ZNF385B: variants seen among roughly 807,000 people sequenced by gnomAD.
ZNF385B encodes the protein zinc finger protein 533.
Under a neutral mutation model 39.2 loss-of-function variants are expected in ZNF385B, and 23 were observed. The observed-to-expected ratio is 0.59, with a 90% confidence interval of 0.42 to 0.83. The LOEUF is 0.83. Among genes scored for constraint, ZNF385B ranks in the 40% least tolerant of loss-of-function variants. ZNF385B has a pLI of 0.00. For synonymous variants in ZNF385B, 205 were observed against 222.6 expected (o/e 0.92, Z 0.70); for missense variants, 552 against 598.9 (o/e 0.92, Z 0.82).
chr2:179,705,779 G>A lies in ZNF385B; in HGVS notation c.298+63724C>T, dbSNP rs575820165. Among the ~76,000 whole-genome samples the A allele has an allele frequency of 3.3e-5, 5 of 152,292 alleles. No individual in the cohort carries two copies. The South Asian group carries it at 1.0e-3, about 32-fold the overall frequency. On this transcript the variant is annotated intron_variant, in intron 3 of 9. Transcript: ENST00000410066. ...CCTATTGTTGCAACTACTCAATTCT[G>A]CCATTCTAGTGCAAAAGCAGCCACA...
At chr2:179,786,033 C>T (rs990077423) in intron 1 of ZNF385B, among the ~76,000 whole-genome samples, 1 of 152,138 alleles carries the variant, frequency 6.6e-6, no homozygotes, top group Non-Finnish European at 1.5e-5. Flanking sequence ...CAACCTTCAG[C>T]AAGCACCACC....
chr2:179,556,176 G>A (rs1421541220), intron 3 of ZNF385B, among the ~76,000 whole-genome samples: 2 of 147,906 alleles, frequency 1.4e-5, no homozygotes, highest in Non-Finnish European at 3.0e-5. Context: ...TTGCCCACTT[G>A]GATTTCTTAC....
chr2:179,746,707 T>C (rs1469327635), intron 3 of ZNF385B, among the ~76,000 whole-genome samples: 2 of 152,172 alleles, frequency 1.3e-5, no homozygotes, highest in Admixed American at 1.3e-4. Context: ...CCCAAATTTA[T>C]ACTTTTGCTT....
intron 5 of ZNF385B, among the ~76,000 whole-genome samples, chr2:179,495,336 A>G (rs369802155): frequency 1.3e-5 from 2 of 152,226 alleles, no homozygotes; most frequent in South Asian, 4.1e-4. Context: ...CTCAGCCTCA[A>G]TACAATAGAA....
intron 6 of ZNF385B, among the ~76,000 whole-genome samples, chr2:179,475,251 A>ATT (rs767500606): frequency 0.26 from 35,470 of 136,752 alleles, 4,896 homozygotes; most frequent in East Asian, 0.42. Context: ...TTATCGCACA[A>ATT]TTTTTTTTTT....
intron 3 of ZNF385B, among the ~76,000 whole-genome samples, chr2:179,618,655 T>C (rs1689955923): frequency 6.6e-6 from 1 of 152,182 alleles, no homozygotes; most frequent in Non-Finnish European, 1.5e-5. Flanking sequence ...TAGCATCTCC[T>C]GTCACTGCCT....
chr2:179,647,380 G>A (rs1402343686), intron 3 of ZNF385B, among the ~76,000 whole-genome samples: 1 of 151,970 alleles, frequency 6.6e-6, no homozygotes, highest in Non-Finnish European at 1.5e-5. Flanking sequence ...GAAGTGTCCA[G>A]CCCATTGCTA....
intron 3 of ZNF385B, among the ~76,000 whole-genome samples, chr2:179,603,347 A>T (rs2106109486): frequency 6.6e-6 from 1 of 152,310 alleles, no homozygotes; most frequent in Admixed American, 6.5e-5. Context: ...CACACTCAAT[A>T]TATGTTAGCG....
intron 3 of ZNF385B, among the ~76,000 whole-genome samples, chr2:179,630,011 A>G (rs959643616): frequency 2.0e-5 from 3 of 152,268 alleles, no homozygotes; most frequent in Non-Finnish European, 4.4e-5. Flanking sequence ...AAAGTGGCCA[A>G]GAAGCTCAAA....
At chr2:179,541,288 C>T (rs2059904705) in intron 4 of ZNF385B, among the ~76,000 whole-genome samples, 2 of 152,166 alleles carry the variant, frequency 1.3e-5, no homozygotes, top group African/African-American at 4.8e-5. Flanking sequence ...ACTAAAAGAA[C>T]ACCATGAAGC....
At chr2:179,529,261 T>A (rs553235427) in intron 4 of ZNF385B, among the ~76,000 whole-genome samples, 40 of 152,284 alleles carry the variant, frequency 2.6e-4, no homozygotes, top group African/African-American at 7.9e-4. Context: ...GGAAAAAGAA[T>A]TAAGGTAATG....
At chr2:179,707,529 T>C (rs1257223118) in intron 3 of ZNF385B, among the ~76,000 whole-genome samples, 14 of 152,220 alleles carry the variant, frequency 9.2e-5, no homozygotes, top group Non-Finnish European at 2.9e-5. Flanking sequence ...CTATCTATGC[T>C]GGGCATTACC....
At chr2:179,670,271 C>G (rs1193377130) in intron 3 of ZNF385B, among the ~76,000 whole-genome samples, 2 of 135,154 alleles carry the variant, frequency 1.5e-5, no homozygotes, top group African/African-American at 2.8e-5. Context: ...TCGCCTGGGC[C>G]ACAGAGCGAG....
chr2:179,599,004 G>T (rs1475665035), intron 3 of ZNF385B, among the ~76,000 whole-genome samples: 1 of 152,124 alleles, frequency 6.6e-6, no homozygotes, highest in Non-Finnish European at 1.5e-5. Flanking sequence ...CCTAATTAAA[G>T]ACATTTATTG....
At chr2:179,448,869 T>C (rs1056678333) in intron 6 of ZNF385B, among the ~76,000 whole-genome samples, 1 of 152,124 alleles carries the variant, frequency 6.6e-6, no homozygotes, top group Non-Finnish European at 1.5e-5. Context: ...GTTTTACAAT[T>C]GTAGGTTAGT....
intron 3 of ZNF385B, among the ~76,000 whole-genome samples, chr2:179,765,506 T>G (rs1183625745): frequency 6.6e-6 from 1 of 152,200 alleles, no homozygotes; most frequent in Admixed American, 6.5e-5. Flanking sequence ...GGCATGTTTA[T>G]TTCTGTCTGA....
At chr2:179,672,228 TTC>T (rs138588153) in intron 3 of ZNF385B, among the ~76,000 whole-genome samples, 236 of 152,330 alleles carry the variant, frequency 1.5e-3, no homozygotes, top group African/African-American at 5.4e-3. Flanking sequence ...TCTTTCCTAT[TTC>T]TCTCTTTTGG....
chr2:179,755,403 A>G (rs1364281634), intron 3 of ZNF385B, among the ~76,000 whole-genome samples: 1 of 152,194 alleles, frequency 6.6e-6, no homozygotes, highest in Non-Finnish European at 1.5e-5. Context: ...AAGAATGTAT[A>G]TTCTGTTGAT....
At chr2:179,501,713 A>G (rs2056779530) in intron 5 of ZNF385B, among the ~76,000 whole-genome samples, 1 of 152,158 alleles carries the variant, frequency 6.6e-6, no homozygotes, top group Non-Finnish European at 1.5e-5. Context: ...TTAATTGTAC[A>G]TTTTAAAATT....
Sources: allele counts gnomAD v4.1 joint callset (sites outside exome capture counted in the v4.1 genomes callset), GRCh38; gene constraint gnomAD v4.1.1; transcripts MANE v1.5; gene names NCBI Gene and HGNC (gene_info 2026-07-23, HGNC 2026-07-21).